The following AGO2 variants were observed in gnomAD, a reference collection of about 807,000 sequenced individuals.
The protein encoded by AGO2 is protein argonaute-2.
A neutral mutation model predicts 102.3 loss-of-function variants in AGO2; 5 were observed. The ratio of observed to expected loss-of-function variants is 0.05; its 90% CI spans 0.03 to 0.10. The LOEUF is 0.10. Ranked by LOEUF, AGO2 falls within the 10% of genes least tolerant of loss-of-function variation. AGO2 has a pLI of 1.00. For missense variants in AGO2, 541 were observed against 1,183.7 expected (o/e 0.46, Z 7.97); for synonymous variants, 449 against 473.1 (o/e 0.95, Z 0.66).
chr8:140,610,189 G>A (rs949824783), intron 1 of AGO2, among the ~76,000 whole-genome samples: 3 of 152,020 alleles, frequency 2.0e-5, no homozygotes, highest in Admixed American at 6.6e-5. Flanking sequence ...GGGTGACAGA[G>A]CGAGATCCTG....
intron 3 of AGO2, among the ~76,000 whole-genome samples, chr8:140,565,739 T>C (rs1443685211): frequency 6.6e-6 from 1 of 152,196 alleles, no homozygotes; most frequent in Non-Finnish European, 1.5e-5. Context: ...GTAAGGCTTC[T>C]GGTCAACAAC....
At chr8:140,605,022 T>C (rs1444643620) in intron 1 of AGO2, among the ~76,000 whole-genome samples, 1 of 152,166 alleles carries the variant, frequency 6.6e-6, no homozygotes, top group Admixed American at 6.6e-5. Context: ...AATATTCAGG[T>C]AAGGAAATAA....
chr8:140,609,251 T>C (rs1034425287), intron 1 of AGO2, among the ~76,000 whole-genome samples: 5 of 152,236 alleles, frequency 3.3e-5, no homozygotes, highest in African/African-American at 1.2e-4. Flanking sequence ...AAACCCGTTT[T>C]GAGCCAATCT....
chr8:140,636,976 G>C (rs1185688758), upstream of AGO2: 1 of 152,220 alleles, frequency 6.6e-6, no homozygotes, highest in African/African-American at 2.4e-5. Context: ...GCATCATTAA[G>C]TAGTAAATAA....
chr8:140,603,327 G>A (rs1200504104), intron 1 of AGO2, among the ~76,000 whole-genome samples: 2 of 152,222 alleles, frequency 1.3e-5, no homozygotes, highest in African/African-American at 2.4e-5. Flanking sequence ...GGGATGATAA[G>A]TGTGCAAGGG....
intron 1 of AGO2, among the ~76,000 whole-genome samples, chr8:140,628,569 C>T (rs1167028131): frequency 2.6e-5 from 4 of 152,160 alleles, no homozygotes; most frequent in African/African-American, 9.6e-5. Context: ...CCTTGGGAGG[C>T]CAAGGCAGGA....
rs377330768 is a variant in AGO2 at position 140,563,785 on chromosome 8, C to T, written c.337-1151G>A. 1.8e-3 allele frequency among the ~76,000 whole-genome samples: 274 copies of T among 152,336 alleles called. 1 individual carries two copies. Among genetic ancestry groups the T allele is most frequent in the African/African-American group, 6.1e-3 (254 of 41,570 alleles). On this transcript the variant is annotated intron_variant, in intron 3 of 18. Coordinates refer to ENST00000220592, the MANE Select transcript of AGO2 (RefSeq NM_012154.5). ...ACAAACCCCAGTGTGCCAGCATGCC[C>T]AGGTCCAGTGTTGTTTGGTGGCACC...
chr8:140,625,111 C>T (rs1293777602), intron 1 of AGO2, among the ~76,000 whole-genome samples: 1 of 152,158 alleles, frequency 6.6e-6, no homozygotes, highest in Non-Finnish European at 1.5e-5. Context: ...CTGCTCAGTC[C>T]CTGCTGCACG....
At chr8:140,559,344 C>T (rs533351941) in intron 6 of AGO2, 51 bp downstream of exon 6, 36 of 1,598,596 alleles carry the variant, frequency 2.3e-5, no homozygotes, top group African/African-American at 2.7e-5. Context: ...GGAGGCGGAC[C>T]GGGAAGGGGC....
At position 140,567,981 on chromosome 8, in the gene AGO2, G is replaced by A. The variant is rs868823966; in HGVS notation, c.336+4831C>T. ...TCCCTACAAAAAGAAAATTAGTGGC[G>A]GGGCACAGTGGCTCACACCTGTAAT... On this transcript the variant is annotated intron_variant, in intron 3 of 18. Transcript: ENST00000220592. The surrounding 1 kb of genome is among the most constrained non-coding windows in gnomAD (Gnocchi z 5.0). Among the ~76,000 whole-genome samples, 8 of 151,938 alleles carry A rather than the reference G, an allele frequency of 5.3e-5. No individual in the cohort carries two copies. The highest frequency in any genetic ancestry group is 3.4e-3 in the Middle Eastern group (1 of 294).
rs1250435149 is a variant in AGO2, at chr8:140,539,411, T to C, written c.2078A>G (p.Lys693Arg). The change falls in exon 16 of 19, where the codon AAG (lysine) becomes AGG (arginine). Residue 693 changes from lysine to arginine, a missense_variant. Around this residue, in one of 6 missense-constraint regions of AGO2, gnomAD observed 309 missense variants for 735.1 expected, o/e 0.42. Coordinates refer to ENST00000220592, the MANE Select transcript of AGO2 (RefSeq NM_012154.5). This position sits in a 1 kb window ranked among gnomAD's most constrained non-coding sequence, Gnocchi z 4.7. ...ELLAIREACI[K>R]LEKDYQPGIT... ...CCCGGGCTGGTAGTCTTTTTCTAGC[T>C]TGATACAGGCCTCACGGATGGCCAG... The C allele has an allele frequency of 1.2e-6, 2 of 1,614,130 alleles. No homozygotes were observed. The highest frequency in any genetic ancestry group is 2.2e-5 in the South Asian group (2 of 91,084).
chr8:140,560,298 C>T (rs988355623), intron 5 of AGO2, 76 bp downstream of exon 5: 5 of 1,553,326 alleles, frequency 3.2e-6, no homozygotes, highest in African/African-American at 1.4e-5. Flanking sequence ...CCACATGCCA[C>T]CCCCCGACCG....
At chr8:140,556,567 G>A (rs761100547) in intron 8 of AGO2, among the ~76,000 whole-genome samples, 2 of 152,098 alleles carry the variant, frequency 1.3e-5, no homozygotes, top group Non-Finnish European at 2.9e-5. Context: ...TCCTGACACC[G>A]GCACTTCTGG....
chr8:140,580,407 C>T (rs1341652391), intron 2 of AGO2, among the ~76,000 whole-genome samples: 1 of 152,232 alleles, frequency 6.6e-6, no homozygotes, highest in Non-Finnish European at 1.5e-5. Flanking sequence ...GTTTTGGGAA[C>T]TCACGACTAA....
chr8:140,605,836 G>C (rs1317413045), intron 1 of AGO2: 1 of 152,266 alleles, frequency 6.6e-6, no homozygotes, highest in African/African-American at 2.4e-5. Context: ...GGCCAGGTGA[G>C]AATGGGACTG....
intron 1 of AGO2, among the ~76,000 whole-genome samples, chr8:140,606,632 A>G (rs916244272): frequency 6.6e-6 from 1 of 152,246 alleles, no homozygotes; most frequent in African/African-American, 2.4e-5. Context: ...TTGGAAGCGT[A>G]GCAAATTAAA....
At chr8:140,613,495 T>C (rs2074106097) in intron 1 of AGO2, among the ~76,000 whole-genome samples, 1 of 152,204 alleles carries the variant, frequency 6.6e-6, no homozygotes, top group Non-Finnish European at 1.5e-5. Flanking sequence ...TTCGGGGTTC[T>C]CAATAACTTA....
At chr8:140,544,378 C>T (rs1209946656) in intron 13 of AGO2, 75 bp from the exon 14 acceptor site, 1 of 1,274,786 alleles carries the variant, frequency 7.8e-7, no homozygotes, top group African/African-American at 1.6e-5. Context: ...GCCACCATCA[C>T]CTTTTGGAGG....
chr8:140,563,056 G>A (rs938478311), intron 3 of AGO2, among the ~76,000 whole-genome samples: 14 of 152,128 alleles, frequency 9.2e-5, no homozygotes, highest in East Asian at 3.9e-4. Context: ...GTTGAATCGC[G>A]ATCTGGCCCT....
Sources: gnomAD v4.1 joint callset for allele counts (sites outside exome capture counted in the v4.1 genomes callset) on GRCh38, gnomAD v4.1.1 for gene constraint, gnomAD v4.1.1 regional missense constraint, Gnocchi (gnomAD v3.1) non-coding constraint, MANE v1.5 for transcripts, NCBI Gene and HGNC (gene_info 2026-07-23, HGNC 2026-07-21) for gene names.